FGF13: variants seen among roughly 807,000 people sequenced by gnomAD.
FGF13 encodes fibroblast growth factor 13, also known as fibroblast growth factor homologous factor 2.
FGF13 carries 2 observed loss-of-function variants against 19.5 expected under a neutral mutation model. The ratio of observed to expected loss-of-function variants is 0.10; its 90% CI spans 0.04 to 0.32. The LOEUF is 0.32. FGF13 is among the 10% of genes least tolerant of loss of function. The pLI is 1.00. For synonymous variants in FGF13, 72 were observed against 76.9 expected (o/e 0.94, Z 0.33); for missense variants, 113 against 192.7 (o/e 0.59, Z 2.45).
chrX:138,687,953 A>ATT (rs35630753), intron 3 of FGF13, among the ~76,000 whole-genome samples: 12 of 97,928 alleles, frequency 1.2e-4, no homozygotes, highest in Admixed American at 2.2e-4. Context: ...AAAAAATTGG[A>ATT]TTTTTTTTTT....
intron 3 of FGF13, among the ~76,000 whole-genome samples, chrX:138,815,036 C>G (rs550924292): frequency 8.5e-4 from 94 of 111,170 alleles, no homozygotes; most frequent in Middle Eastern, 4.7e-3. Flanking sequence ...CTGTCATTTG[C>G]AGCAACATGG....
intron 1 of FGF13, among the ~76,000 whole-genome samples, chrX:138,965,296 T>A (rs2091890642): frequency 8.9e-6 from 1 of 112,383 alleles, no homozygotes; most frequent in Admixed American, 9.4e-5. Flanking sequence ...CATGTGGTAT[T>A]GCCATCTATT....
chrX:139,179,864 T>C (rs2084225807), intron 1 of FGF13, among the ~76,000 whole-genome samples: 1 of 113,127 alleles, frequency 8.8e-6, no homozygotes, highest in Admixed American at 9.3e-5. Flanking sequence ...GACTCGTCAG[T>C]CATTTAACTG....
intron 1 of FGF13, among the ~76,000 whole-genome samples, chrX:138,868,493 T>C (rs2091341286): frequency 9.0e-6 from 1 of 111,396 alleles, no homozygotes; most frequent in African/African-American, 3.3e-5. Context: ...TCATAGTTAC[T>C]CATATAAACT....
At chrX:139,106,212 G>A (rs1402756087) in intron 1 of FGF13, among the ~76,000 whole-genome samples, 1 of 112,086 alleles carries the variant, frequency 8.9e-6, no homozygotes, top group South Asian at 3.7e-4. Context: ...TCCACACACA[G>A]AGGCGCCCTT....
chrX:138,733,690 C>T (rs1335190875), intron 1 of FGF13, among the ~76,000 whole-genome samples: 1 of 111,246 alleles, frequency 9.0e-6, no homozygotes, highest in African/African-American at 3.3e-5. Context: ...TGAGTTACAC[C>T]TGTGCAGTGT....
intron 1 of FGF13, among the ~76,000 whole-genome samples, chrX:138,946,438 G>C (rs756782804): frequency 4.5e-5 from 5 of 112,056 alleles, no homozygotes; most frequent in Admixed American, 3.8e-4. Context: ...CCAATTTAAA[G>C]TGAATGAACT....
intron 1 of FGF13, among the ~76,000 whole-genome samples, chrX:139,167,560 A>G (rs1343568465): frequency 1.8e-5 from 2 of 111,875 alleles, no homozygotes; most frequent in Non-Finnish European, 3.8e-5. Context: ...TACATCCAAC[A>G]AAGCCAAAAC....
intron 1 of FGF13, among the ~76,000 whole-genome samples, chrX:139,174,996 A>G (rs1190415541): frequency 1.8e-5 from 2 of 112,090 alleles, no homozygotes; most frequent in African/African-American, 6.5e-5. Context: ...CAGTATGGCC[A>G]TATTCATGAT....
chrX:138,972,505 G>A (rs1045445925), intron 1 of FGF13, among the ~76,000 whole-genome samples: 2 of 107,656 alleles, frequency 1.9e-5, no homozygotes, highest in Non-Finnish European at 3.8e-5. Context: ...TACAGGCGCC[G>A]GCCACCATGC....
Position 138,984,608 on chromosome X carries a change from GGAGGAGGAT to G in FGF13, c.-112-119967_-112-119959del, listed in dbSNP as rs1191401870. Among the ~76,000 whole-genome samples the G allele has an allele frequency of 1.5e-3, 87 of 56,545 alleles. 10 individuals are homozygous for G. The highest frequency in any genetic ancestry group is 0.017 in the Middle Eastern group (2 of 119). 49.1% of individuals were successfully genotyped at this position (56,545 alleles called of 115,157 possible). A position where few individuals can be genotyped will look rare whatever the true frequency, so the allele number is the denominator to read the frequency against. ...AGAAGAAGGAGGAGGAGGAGGAGGA[GGAGGAGGAT>G]GAGGAAGAGGAGGAGGAGGAGGAGG... On this transcript the variant is annotated intron_variant, in intron 1 of 2. Coordinates refer to the FGF13 transcript ENST00000421460.
intron 1 of FGF13, among the ~76,000 whole-genome samples, chrX:138,719,973 CCATTTGTT>C (rs1312883263): frequency 8.9e-6 from 1 of 112,613 alleles, no homozygotes; most frequent in Non-Finnish European, 1.9e-5. Flanking sequence ...TTGGCTTGGG[CCATTTGTT>C]CATTTGTTCA....
chrX:139,009,475 C>A (rs1338852057), intron 1 of FGF13, among the ~76,000 whole-genome samples: 2 of 111,730 alleles, frequency 1.8e-5, no homozygotes, highest in African/African-American at 6.5e-5. Context: ...CCTACAAGCT[C>A]AAAGGGACTG....
intron 1 of FGF13, among the ~76,000 whole-genome samples, chrX:139,143,329 TC>T (rs1374967503): frequency 8.9e-6 from 1 of 112,102 alleles, no homozygotes; most frequent in African/African-American, 3.2e-5. Flanking sequence ...TTCACAGTCA[TC>T]AACAAGGTGC....
At chrX:138,980,773 G>A (rs1392880494) in intron 1 of FGF13, among the ~76,000 whole-genome samples, 1 of 108,166 alleles carries the variant, frequency 9.2e-6, no homozygotes, top group African/African-American at 3.4e-5. Context: ...TGATAAGAAT[G>A]AATAGGGTTT....
intron 1 of FGF13, among the ~76,000 whole-genome samples, chrX:139,083,979 C>T (rs1392623738): frequency 2.7e-5 from 3 of 110,669 alleles, no homozygotes; most frequent in African/African-American, 6.6e-5. Flanking sequence ...CCTTTTCAGT[C>T]GGGGGGTGCC....
At chrX:138,959,041 A>C (rs2091856174) in intron 1 of FGF13, among the ~76,000 whole-genome samples, 1 of 111,521 alleles carries the variant, frequency 9.0e-6, no homozygotes, top group Admixed American at 9.6e-5. Flanking sequence ...CTCTGATCTT[A>C]GTAATTTCTT....
At chrX:138,761,531 T>A (rs928563082) in intron 3 of FGF13, among the ~76,000 whole-genome samples, 4 of 111,275 alleles carry the variant, frequency 3.6e-5, no homozygotes, top group Non-Finnish European at 7.5e-5. Flanking sequence ...CAGTGGCAAG[T>A]CAGTTGCTCA....
At chrX:138,805,060 C>T (rs1030000994) in intron 3 of FGF13, among the ~76,000 whole-genome samples, 3 of 111,713 alleles carry the variant, frequency 2.7e-5, no homozygotes, top group African/African-American at 9.7e-5. Flanking sequence ...TGACACGAAT[C>T]AAATTGAAAA....
Sources: allele counts gnomAD v4.1 joint callset (sites outside exome capture counted in the v4.1 genomes callset), GRCh38; gene constraint gnomAD v4.1.1; transcripts MANE v1.5; gene names NCBI Gene and HGNC (gene_info 2026-07-23, HGNC 2026-07-21).